The following ZNF469 variants were observed in gnomAD, a reference collection of about 807,000 sequenced individuals.
ZNF469 encodes the protein zinc finger protein 469.
A neutral mutation model predicts 1.0 loss-of-function variants in ZNF469; 1 was observed. The ratio of observed to expected loss-of-function variants is 1.00; its 90% CI spans 0.35 to 4.73. The LOEUF is 4.73. Ranked by LOEUF, ZNF469 falls within the 30% of genes most tolerant of loss-of-function variation. The pLI is 0.16. For missense variants in ZNF469, 6,100 were observed against 5,356.3 expected (o/e 1.14, Z -4.33); for synonymous variants, 2,703 against 2,363.4 (o/e 1.14, Z -4.17).
chr16:88,134,042 G>A, the ZNF469 span, among the ~76,000 whole-genome samples: 20 of 152,268 alleles, frequency 1.3e-4, no homozygotes, highest in Middle Eastern at 3.4e-3. Flanking sequence ...AGGCTGCTGC[G>A]AGCTGAGATT....
At chr16:88,356,061 C>T in the ZNF469 span, among the ~76,000 whole-genome samples, 1 of 152,288 alleles carries the variant, frequency 6.6e-6, no homozygotes, top group Admixed American at 6.5e-5. Flanking sequence ...TTCATCATCA[C>T]TTTCAAAGGT....
the ZNF469 span, among the ~76,000 whole-genome samples, chr16:88,291,925 G>T: frequency 6.6e-6 from 1 of 152,180 alleles, no homozygotes; most frequent in African/African-American, 2.4e-5. Flanking sequence ...AGAAGGCAGG[G>T]CCTCTGGGGC....
chr16:88,410,093 G>A (rs1020144329), intron 1 of ZNF469, among the ~76,000 whole-genome samples: 9 of 152,102 alleles, frequency 5.9e-5, no homozygotes, highest in African/African-American at 9.7e-5. Flanking sequence ...TAGATCAGAT[G>A]TGGGGGTGGG....
At chr16:88,105,821 T>C in the ZNF469 span, among the ~76,000 whole-genome samples, 1,717 of 152,354 alleles carry the variant, frequency 0.011, 36 homozygotes, top group African/African-American at 0.039. Context: ...TGGTGGCATC[T>C]GGTGCAGATT....
chr16:88,307,037 C>A, the ZNF469 span, among the ~76,000 whole-genome samples: 3 of 152,206 alleles, frequency 2.0e-5, no homozygotes, highest in Admixed American at 6.5e-5. Flanking sequence ...TGGCAACCGC[C>A]AATCCACTTC....
the ZNF469 span, among the ~76,000 whole-genome samples, chr16:88,344,841 C>T: frequency 6.6e-6 from 1 of 152,240 alleles, no homozygotes; most frequent in Admixed American, 6.5e-5. Context: ...CCCCAAACCA[C>T]CACATTGGCT....
chr16:88,158,364 G>C, the ZNF469 span, among the ~76,000 whole-genome samples: 2 of 152,154 alleles, frequency 1.3e-5, no homozygotes, highest in Admixed American at 1.3e-4. Flanking sequence ...GCAGGCAAGG[G>C]TGTCTGGGTT....
At position 88,399,098 on chromosome 16, in the gene ZNF469, C is replaced by T. The variant is rs138395449; in HGVS notation, c.-192+15844C>T. ...CCCTGTTCCGAGAGTATGATGTTGG[C>T]GCTTCGGCAGGTCTCACCTGGCCAC... On this transcript the variant is annotated intron_variant, in intron 1 of 2. Coordinates refer to ENST00000565624, the MANE Select transcript of ZNF469 (RefSeq NM_001367624.2). Among the ~76,000 whole-genome samples the T allele has an allele frequency of 9.2e-5, 14 of 152,362 alleles. No individual in the cohort carries two copies. The East Asian group carries it at 1.4e-3, about 15-fold the overall frequency.
chr16:88,247,456 GTGAA>G, the ZNF469 span, among the ~76,000 whole-genome samples: 19 of 149,440 alleles, frequency 1.3e-4, no homozygotes, highest in Middle Eastern at 7.0e-3. Flanking sequence ...GAGTGAATGA[GTGAA>G]TGAATGAATG....
At chr16:88,158,185 G>A in the ZNF469 span, among the ~76,000 whole-genome samples, 4,640 of 151,910 alleles carry the variant, frequency 0.031, 220 homozygotes, top group African/African-American at 0.1. Flanking sequence ...TGCTGCTGGG[G>A]CCCCACCTTG....
chr16:88,306,221 T>C, the ZNF469 span, among the ~76,000 whole-genome samples: 1 of 152,242 alleles, frequency 6.6e-6, no homozygotes, highest in Admixed American at 6.5e-5. Flanking sequence ...GGCACCGGAC[T>C]GTGCTGCCAG....
chr16:88,394,022 C>G (rs1418140896), intron 1 of ZNF469, among the ~76,000 whole-genome samples: 2 of 151,960 alleles, frequency 1.3e-5, no homozygotes, highest in Non-Finnish European at 2.9e-5. Flanking sequence ...CACGTCTACA[C>G]CTGTGCTGTC....
chr16:88,355,411 G>A, the ZNF469 span, among the ~76,000 whole-genome samples: 9 of 152,338 alleles, frequency 5.9e-5, no homozygotes, highest in South Asian at 4.1e-4. Flanking sequence ...CCACCATGGC[G>A]CTCACGGACG....
chr16:88,229,636 CGT>C, the ZNF469 span, among the ~76,000 whole-genome samples: 39 of 124,388 alleles, frequency 3.1e-4, 1 homozygote, highest in South Asian at 2.5e-3. Context: ...GTGGATGTCA[CGT>C]GTGTGTGCTG....
chr16:88,323,231 G>T, the ZNF469 span, among the ~76,000 whole-genome samples: 1 of 152,160 alleles, frequency 6.6e-6, no homozygotes, highest in African/African-American at 2.4e-5. Flanking sequence ...CTCCGAGGAG[G>T]GGCCCCGGAG....
chr16:88,157,637 A>G, the ZNF469 span, among the ~76,000 whole-genome samples: 143,264 of 144,910 alleles, frequency 0.99, 70,821 homozygotes, highest in Middle Eastern at 1. Context: ...GTGCCATAGC[A>G]GATGGACTCT....
chr16:88,184,857 C>T, the ZNF469 span, among the ~76,000 whole-genome samples: 43 of 152,344 alleles, frequency 2.8e-4, no homozygotes, highest in African/African-American at 9.9e-4. Context: ...TGTGCGGGGA[C>T]ACGTGCGTGC....
the ZNF469 span, among the ~76,000 whole-genome samples, chr16:88,235,822 AG>A: frequency 6.6e-6 from 1 of 152,200 alleles, no homozygotes; most frequent in East Asian, 1.9e-4. Context: ...CATGTGCCGC[AG>A]GGGGTTGGGC....
chr16:88,400,564 A>C (rs1337882799), intron 1 of ZNF469, among the ~76,000 whole-genome samples: 2 of 152,176 alleles, frequency 1.3e-5, no homozygotes, highest in Non-Finnish European at 2.9e-5. Context: ...TCCTGGGGCC[A>C]GGGACCCAAC....
Sources: allele counts gnomAD v4.1 joint callset (sites outside exome capture counted in the v4.1 genomes callset), GRCh38; gene constraint gnomAD v4.1.1; transcripts MANE v1.5; gene names NCBI Gene and HGNC (gene_info 2026-07-23, HGNC 2026-07-21).